The following YTHDF2 variants were observed in gnomAD, a reference collection of about 807,000 sequenced individuals.
YTHDF2 encodes the protein YTH N6-methyladenosine RNA binding protein F2.
Under a neutral mutation model 50.4 loss-of-function variants are expected in YTHDF2, and 2 were observed. The ratio of observed to expected loss-of-function variants is 0.04; its 90% CI spans 0.02 to 0.12. The LOEUF (loss-of-function observed/expected upper bound fraction) is 0.12, where lower values mean the gene tolerates loss of function less well. YTHDF2 is among the 10% of genes least tolerant of loss of function. YTHDF2 has a pLI of 1.00. For synonymous variants in YTHDF2, 217 were observed against 255.6 expected (o/e 0.85, Z 1.44); for missense variants, 483 against 722.6 (o/e 0.67, Z 3.80).
rs1237846576 is a variant in YTHDF2 at position 28,743,957 on chromosome 1, C to T, written c.1687C>T (p.Arg563Cys). 4 of 1,553,800 alleles carry T rather than the reference C, an allele frequency of 2.6e-6. No homozygotes were observed. Among genetic ancestry groups the T allele is most frequent in the Non-Finnish European group, 3.5e-6 (4 of 1,155,020 alleles). ...IFDDFSHYEK[R>C]QEEEESVKKE... ...TGATGACTTCTCACACTATGAGAAA[C>T]GCCAAGAGGAAGAAGAAAGTGTTAA... The change falls in exon 4 of 5, where the codon CGC (arginine) becomes TGC (cysteine). Residue 563 changes from arginine to cysteine, a missense_variant. Coordinates refer to ENST00000373812, the MANE Select transcript of YTHDF2 (RefSeq NM_016258.3). This position sits in a 1 kb window ranked among gnomAD's most constrained non-coding sequence, Gnocchi z 6.9.
chr1:28,749,371 G>A (rs372395670), intron 4 of YTHDF2, among the ~76,000 whole-genome samples: 1 of 151,836 alleles, frequency 6.6e-6, no homozygotes, highest in East Asian at 1.9e-4. Context: ...TAGTAGAGAC[G>A]GGTTTTCACC....
In YTHDF2 at chr1:28,768,975, A is replaced by G. The variant is rs1463555104; in HGVS notation, c.*23A>G. 4.5e-6 allele frequency: 7 copies of G among 1,571,118 alleles called. No individual in the cohort carries two copies. In the Admixed American group the frequency reaches 8.7e-5, roughly 19 times the overall value. Reference sequence around the variant, plus strand: ...TAAAAGGCAGTTCTACACAGACTGCAGCAACGGTTGCATCTGCATATCCTA... The same window carrying G: ...TAAAAGGCAGTTCTACACAGACTGCGGCAACGGTTGCATCTGCATATCCTA... On this transcript the variant is annotated 3_prime_UTR_variant, in exon 5 of 5. Coordinates refer to ENST00000373812, the MANE Select transcript of YTHDF2 (RefSeq NM_016258.3).
chr1:28,768,689 A>G (rs539266936), intron 4 of YTHDF2, among the ~76,000 whole-genome samples: 4 of 152,336 alleles, frequency 2.6e-5, no homozygotes, highest in Admixed American at 6.5e-5. Flanking sequence ...TCTAAACAGT[A>G]TAATAGGAAA....
intron 4 of YTHDF2, among the ~76,000 whole-genome samples, chr1:28,752,470 A>G (rs1310993719): frequency 6.6e-6 from 1 of 151,878 alleles, no homozygotes; most frequent in African/African-American, 2.4e-5. Flanking sequence ...TAATTTTTGT[A>G]TTTTTAGTAG....
Position 28,743,620 on chromosome 1 carries a change from C to T in YTHDF2, c.1350C>T (p.Asn450=), listed in dbSNP as rs550744239. The T allele has an allele frequency of 2.2e-5, 36 of 1,613,978 alleles. No individual in the cohort carries two copies. The highest frequency in any genetic ancestry group is 3.3e-4 in the Middle Eastern group (2 of 6,084). ...TGGATGCTGCTTATCGTTCCATGAA[C>T]GGGAAAGGCCCCGTTTACTTACTTT... ...KRLDAAYRSM[N]GKGPVYLLFS... is the part of the protein sequence containing the mutation. Residue 450 remains asparagine (N), a synonymous_variant, in exon 4 of 5, where the codon AAC becomes AAT. Transcript: ENST00000373812. The surrounding 1 kb of genome is among the most constrained non-coding windows in gnomAD (Gnocchi z 6.9).
At chr1:28,737,279 C>T (rs1286527329) in intron 1 of YTHDF2, 132 bp downstream of exon 1, 13 of 1,230,140 alleles carry the variant, frequency 1.1e-5, no homozygotes, top group South Asian at 6.4e-5. Context: ...TTTCGGGCCT[C>T]TCAGGCCGGC....
intron 1 of YTHDF2, 77 bp downstream of exon 1, chr1:28,737,224 T>G (rs2124622913): frequency 2.0e-6 from 3 of 1,485,894 alleles, no homozygotes; most frequent in Non-Finnish European, 2.7e-6. Flanking sequence ...CCGCCGCTCC[T>G]GGGCAGGCCG....
intron 3 of YTHDF2, among the ~76,000 whole-genome samples, chr1:28,738,574 A>G (rs1027687408): frequency 1.3e-5 from 2 of 152,104 alleles, no homozygotes; most frequent in Non-Finnish European, 2.9e-5. Context: ...CCTCCCGAGT[A>G]GGTGGGATTA....
intron 4 of YTHDF2, among the ~76,000 whole-genome samples, chr1:28,754,666 T>A (rs943587004): frequency 2.6e-5 from 4 of 151,800 alleles, no homozygotes; most frequent in African/African-American, 4.8e-5. Flanking sequence ...ACTAAAAAAT[T>A]AGCTGGGCGT....
chr1:28,738,405 A>T (rs1570458930), intron 3 of YTHDF2, 67 bp downstream of exon 3: 1 of 1,282,550 alleles, frequency 7.8e-7, no homozygotes, highest in Non-Finnish European at 1.1e-6. Context: ...CCTTCTACCA[A>T]TAAATCCCAT....
Position 28,761,131 on chromosome 1 carries a change from A to ATT in YTHDF2, c.1717-7778_1717-7777dup, listed in dbSNP as rs56876999. Among the ~76,000 whole-genome samples the ATT allele has an allele frequency of 1.8e-3, 167 of 91,372 alleles. 2 individuals carry two copies. The highest frequency in any genetic ancestry group is 5.9e-3 in the African/African-American group (131 of 22,108). The allele number at this position is 91,372 out of a possible 152,430, so 59.9% of individuals were successfully genotyped here. A position where few individuals can be genotyped will look rare whatever the true frequency, so the allele number is the denominator to read the frequency against. ...AGTGTGTGTGTGTGTGTGTGTGTGT[A>ATT]TTTTTTTTTTTTTTTTTTTTTGAGA... On this transcript the variant is annotated intron_variant, in intron 4 of 4. Transcript: ENST00000373812.
In YTHDF2 at chr1:28,737,081, A is replaced by G. The variant is rs2087700068; in HGVS notation, c.-40A>G. On this transcript the variant is annotated 5_prime_UTR_variant, in exon 1 of 5. Coordinates refer to ENST00000373812, the MANE Select transcript of YTHDF2 (RefSeq NM_016258.3). ...ATCTGCCGCCGCCGCCGCGCTGAGG[A>G]GAGTTCGCCGCCGTCGCCGCCCGTG... 2 of 1,580,458 alleles carry G rather than the reference A, an allele frequency of 1.3e-6. No homozygotes were observed. Among genetic ancestry groups the G allele is most frequent in the East Asian group, 2.3e-5 (1 of 43,074 alleles).
chr1:28,763,306 C>G (rs906234551), intron 4 of YTHDF2, among the ~76,000 whole-genome samples: 3 of 151,998 alleles, frequency 2.0e-5, no homozygotes, highest in African/African-American at 7.3e-5. Context: ...CAGAGTTTTG[C>G]TCTTTTGCCC....
At chr1:28,751,244 C>T (rs1258174082) in intron 4 of YTHDF2, among the ~76,000 whole-genome samples, 1 of 151,876 alleles carries the variant, frequency 6.6e-6, no homozygotes, top group Non-Finnish European at 1.5e-5. Context: ...GGTGACAGAG[C>T]GAGACTGTCT....
chr1:28,738,471 G>A (rs1459272662), intron 3 of YTHDF2, 133 bp downstream of exon 3: 3 of 831,554 alleles, frequency 3.6e-6, no homozygotes, highest in Admixed American at 2.8e-5. Context: ...TTGAGACTGA[G>A]TCTCGCTCTG....
rs753752485 is a variant in YTHDF2, at chr1:28,765,279, CATG to C, written c.1717-3648_1717-3646del. On this transcript the variant is annotated intron_variant, in intron 4 of 4. Coordinates refer to ENST00000373812, the MANE Select transcript of YTHDF2 (RefSeq NM_016258.3). Reference sequence around the variant, plus strand: ...GGCCTCAAAGTACTGAGATTACAGACATGAGCCACCACACCCAGCCTGTAATTA... The same window carrying C: ...GGCCTCAAAGTACTGAGATTACAGACAGCCACCACACCCAGCCTGTAATTA... Among the ~76,000 whole-genome samples the C allele has an allele frequency of 3.0e-4, 45 of 152,208 alleles. No homozygotes were observed. In the Middle Eastern group the frequency reaches 0.01, roughly 35 times the overall value.
intron 4 of YTHDF2, among the ~76,000 whole-genome samples, chr1:28,749,986 G>GTT (rs371730633): frequency 0.21 from 16,450 of 78,656 alleles, 2,676 homozygotes; most frequent in Middle Eastern, 0.26. Flanking sequence ...AAAAAAGGTT[G>GTT]TTTTTTTTTT....
chr1:28,737,742 G>C lies in YTHDF2; in HGVS notation c.52+60G>C, dbSNP rs1363823377. On this transcript the variant is annotated intron_variant, in intron 2 of 4. Transcript: ENST00000373812. ...AGGGGGACGCGGGGCGGTGGGGGCG[G>C]GGTCTCCGGGAAGCGCCCCGGGCGG... is the stretch of plus-strand genomic sequence containing the variant. 20 of 1,597,550 alleles carry C rather than the reference G, an allele frequency of 1.3e-5. No homozygotes were observed. In the South Asian group the frequency reaches 2.2e-4, roughly 18 times the overall value.
chr1:28,768,946 G>GA lies in YTHDF2; in HGVS notation c.1737dup (p.Ter580IlefsTer22). ...CTCTGTAGGAACGTCAAGGTCGTGG[G>GA]AAATAAAAGGCAGTTCTACACAGAC... On this transcript the variant is annotated frameshift_variant, in exon 5 of 5. Transcript: ENST00000373812. LOFTEE classifies it high-confidence loss of function. 1 of 1,591,550 alleles carries GA rather than the reference G, an allele frequency of 6.3e-7. No homozygotes were observed. Among genetic ancestry groups the GA allele is most frequent in the South Asian group, 1.2e-5 (1 of 86,870 alleles).
Sources: allele counts gnomAD v4.1 joint callset (sites outside exome capture counted in the v4.1 genomes callset), GRCh38; gene constraint gnomAD v4.1.1; non-coding constraint Gnocchi (gnomAD v3.1); transcripts MANE v1.5; gene names NCBI Gene and HGNC (gene_info 2026-07-23, HGNC 2026-07-21).